Variants in CSMD2 observed in about 807,000 individuals in gnomAD.
CSMD2 encodes the protein CUB and sushi domain-containing protein 2.
Under a neutral mutation model 398.5 loss-of-function variants are expected in CSMD2, and 130 were observed. The observed-to-expected ratio is 0.33, with a 90% CI of 0.28 to 0.38. The LOEUF (loss-of-function observed/expected upper bound fraction) is 0.38. CSMD2 is among the 10% of genes least tolerant of loss of function. CSMD2 has a pLI of 1.00. For synonymous variants in CSMD2, 1,828 were observed against 1,908.5 expected, an observed-to-expected ratio of 0.96 and a Z score of 1.10; for missense variants, 3,829 against 4,764.9, an observed-to-expected ratio of 0.80 and a Z score of 5.78.
chr1:34,119,031 T>C (rs1197489248), intron 1 of CSMD2, among the ~76,000 whole-genome samples: 4 of 152,142 alleles, frequency 2.6e-5, no homozygotes, highest in Admixed American at 6.5e-5. Flanking sequence ...TCAAAACACA[T>C]TGCAAAGCTA....
intron 3 of CSMD2, among the ~76,000 whole-genome samples, chr1:34,018,401 T>A (rs1030193248): frequency 5.3e-5 from 8 of 152,214 alleles, no homozygotes; most frequent in Non-Finnish European, 1.0e-4. Context: ...TTCCTTAGGA[T>A]ATATTCCCAG....
chr1:33,711,835 G>C (rs1646001663), intron 21 of CSMD2, among the ~76,000 whole-genome samples: 1 of 152,148 alleles, frequency 6.6e-6, no homozygotes, highest in South Asian at 2.1e-4. Flanking sequence ...TTACGAGGAG[G>C]GGCTGATAGC....
At chr1:33,846,842 G>A (rs747247281) in intron 6 of CSMD2, 42 bp downstream of exon 6, 13 of 1,352,150 alleles carry the variant, frequency 9.6e-6, no homozygotes, top group Admixed American at 1.9e-5. Flanking sequence ...TGTCATCTCT[G>A]CTGCCCACTG....
chr1:33,685,143 T>C (rs1448556057), intron 25 of CSMD2, among the ~76,000 whole-genome samples: 2 of 152,180 alleles, frequency 1.3e-5, no homozygotes, highest in African/African-American at 4.8e-5. Context: ...TCTTTTAGAC[T>C]GGAACACAGA....
intron 12 of CSMD2, among the ~76,000 whole-genome samples, chr1:33,781,665 A>G (rs910285318): frequency 6.6e-6 from 1 of 152,190 alleles, no homozygotes; most frequent in African/African-American, 2.4e-5. Flanking sequence ...TCCAGACTCC[A>G]GTAAGGAAGC....
chr1:33,636,216 C>T lies in CSMD2; in HGVS notation c.4969+144G>A, dbSNP rs1218951173. 2 of 694,584 alleles carry T rather than the reference C, an allele frequency of 2.9e-6. No homozygotes were observed. The highest frequency in any genetic ancestry group is 4.8e-6 in the Non-Finnish European group (2 of 415,808). 43.0% of individuals were successfully genotyped at this position (694,584 alleles called of 1,614,324 possible). A position where few individuals can be genotyped will look rare whatever the true frequency, so the allele number is the denominator to read the frequency against. ...GTGAATTATAAGCCACTTCTATACA[C>T]ATCCACGGCAAACCCAGGTTTGCCA... On this transcript the variant is annotated intron_variant, in intron 30 of 70. Transcript: ENST00000373381. The surrounding 1 kb of genome is among the most constrained non-coding windows in gnomAD (Gnocchi z 4.8).
chr1:33,854,440 G>T (rs1638929000), intron 5 of CSMD2, among the ~76,000 whole-genome samples: 4 of 152,230 alleles, frequency 2.6e-5, no homozygotes, highest in Admixed American at 2.6e-4. Context: ...GAGCAGGTGA[G>T]CCAGGGAATA....
chr1:33,922,234 G>A (rs1643967208), intron 4 of CSMD2, among the ~76,000 whole-genome samples: 1 of 152,192 alleles, frequency 6.6e-6, no homozygotes. Context: ...CCCACCACAG[G>A]AGTGGAGAAG....
At chr1:34,118,692 A>T (rs1661853806) in intron 1 of CSMD2, among the ~76,000 whole-genome samples, 1 of 152,234 alleles carries the variant, frequency 6.6e-6, no homozygotes, top group African/African-American at 2.4e-5. Flanking sequence ...ATCAAAAGGA[A>T]TAAAATACTT....
intron 44 of CSMD2, among the ~76,000 whole-genome samples, chr1:33,593,265 T>C (rs1639595138): frequency 6.6e-6 from 1 of 152,274 alleles, no homozygotes; most frequent in Non-Finnish European, 1.5e-5. Flanking sequence ...CTTTTATCTT[T>C]AAACTGTGTC....
chr1:33,886,407 A>T (rs1641597818), intron 5 of CSMD2, among the ~76,000 whole-genome samples: 1 of 152,214 alleles, frequency 6.6e-6, no homozygotes, highest in Non-Finnish European at 1.5e-5. Context: ...AAAGATACTT[A>T]GGAGGCAGAA....
rs140446562 is a variant in CSMD2 at position 33,691,926 on chromosome 1, T to C, written c.4052+1004A>G. On this transcript the variant is annotated intron_variant, in intron 25 of 70. Transcript: ENST00000373381. ...CTCATACTGCTACCCCAACCTGCTC[T>C]TTTCCTCCTAACTCACCTGAGCCAT... Among the ~76,000 whole-genome samples, 337 of 152,248 alleles carry C rather than the reference T, an allele frequency of 2.2e-3. 1 individual carries two copies. The highest frequency in any genetic ancestry group is 7.7e-3 in the African/African-American group (319 of 41,538).
intron 42 of CSMD2, among the ~76,000 whole-genome samples, chr1:33,603,079 T>G (rs2148812365): frequency 6.6e-6 from 1 of 152,258 alleles, no homozygotes; most frequent in Middle Eastern, 3.4e-3. Context: ...CTTAGATAAG[T>G]AGTTTAGCCT....
chr1:33,980,009 G>A (rs919201662), intron 3 of CSMD2, among the ~76,000 whole-genome samples: 12 of 152,154 alleles, frequency 7.9e-5, no homozygotes, highest in Admixed American at 4.6e-4. Flanking sequence ...TGAGATTCTT[G>A]TAGGCAACTT....
At chr1:33,820,705 C>G (rs1213741134) in intron 7 of CSMD2, 149 bp from the exon 8 acceptor site, 1 of 617,740 alleles carries the variant, frequency 1.6e-6, no homozygotes, top group African/African-American at 1.8e-5. Flanking sequence ...TGTGGGGTGG[C>G]CGGAGTCTAC....
intron 5 of CSMD2, among the ~76,000 whole-genome samples, chr1:33,850,794 T>C (rs1354282925): frequency 6.6e-6 from 1 of 152,156 alleles, no homozygotes. Flanking sequence ...TAAGTGGGGC[T>C]TCATTAATGG....
intron 60 of CSMD2, among the ~76,000 whole-genome samples, chr1:33,539,078 C>T (rs1480644158): frequency 6.6e-6 from 1 of 152,144 alleles, no homozygotes; most frequent in African/African-American, 2.4e-5. Flanking sequence ...CGCCATTCTC[C>T]TGCCCCAACC....
chr1:33,555,910 T>C lies in CSMD2; in HGVS notation c.8743+1824A>G, dbSNP rs1018677680. Among the ~76,000 whole-genome samples the C allele has an allele frequency of 3.3e-5, 5 of 152,270 alleles. No homozygotes were observed. In the South Asian group the frequency reaches 8.3e-4, roughly 25 times the overall value. ...TCCAATGTATGCCTCTATATTAATA[T>C]ATATACCTATTAGTAATATCAACAG... On this transcript the variant is annotated intron_variant, in intron 55 of 70. Transcript: ENST00000373381.
chr1:33,873,079 T>C (rs1370492906), intron 5 of CSMD2, among the ~76,000 whole-genome samples: 2 of 152,232 alleles, frequency 1.3e-5, no homozygotes, highest in African/African-American at 4.8e-5. Context: ...CTCCTTAGCT[T>C]TTCAAATCAC....
Sources: gnomAD v4.1 joint callset for allele counts (sites outside exome capture counted in the v4.1 genomes callset) on GRCh38, gnomAD v4.1.1 for gene constraint, Gnocchi (gnomAD v3.1) non-coding constraint, MANE v1.5 for transcripts, NCBI Gene and HGNC (gene_info 2026-07-23, HGNC 2026-07-21) for gene names.